Variants in KLHL22 observed in about 807,000 individuals in gnomAD.
KLHL22 encodes the protein kelch-like protein 22.
In KLHL22, 18 loss-of-function variants were observed where a neutral mutation model predicts 60.7. The ratio of observed to expected loss-of-function variants is 0.30; its 90% CI spans 0.20 to 0.44. The LOEUF is 0.44. Ranked by LOEUF, KLHL22 falls within the 20% of genes least tolerant of loss-of-function variation. The pLI, the probability that KLHL22 is intolerant of heterozygous loss-of-function variation, is 1.00. For missense variants in KLHL22, 596 were observed against 852.3 expected (o/e 0.70, Z 3.74); for synonymous variants, 355 against 354.5 (o/e 1.00, Z -0.01).
chr22:20,466,566 C>T (rs1316753737), intron 3 of KLHL22, among the ~76,000 whole-genome samples: 2 of 152,072 alleles, frequency 1.3e-5, no homozygotes, highest in African/African-American at 2.4e-5. Flanking sequence ...CTTTTTCCCC[C>T]GCCAGAACAT....
At position 20,465,957 on chromosome 22, in the gene KLHL22, A is replaced by G. The variant is rs530119524; in HGVS notation, c.394-381T>C. On this transcript the variant is annotated intron_variant, in intron 3 of 6. Coordinates refer to ENST00000328879, the MANE Select transcript of KLHL22 (RefSeq NM_032775.4). The surrounding 1 kb of genome is among the most constrained non-coding windows in gnomAD (Gnocchi z 4.9). ...CAGCCTCCCGTACAGAATGTTTTTA[A>G]CCTCTCTAAGCCTCAGTCTCCTCAT... Among the ~76,000 whole-genome samples, 4 of 152,014 alleles carry G rather than the reference A, an allele frequency of 2.6e-5. No homozygotes were observed. In the East Asian group the frequency reaches 7.8e-4, roughly 29 times the overall value.
At chr22:20,486,678 C>T (rs960154736) in intron 2 of KLHL22, among the ~76,000 whole-genome samples, 1 of 142,336 alleles carries the variant, frequency 7.0e-6, no homozygotes, top group Non-Finnish European at 1.5e-5. Context: ...TGGTCTATTT[C>T]TTTTCTTTTT....
chr22:20,460,525 C>T (rs1486038263), intron 4 of KLHL22, among the ~76,000 whole-genome samples: 1 of 141,388 alleles, frequency 7.1e-6, no homozygotes, highest in Non-Finnish European at 1.5e-5. Context: ...AGGAGAATCA[C>T]TTGAACCCGG....
rs373929310 is a variant in KLHL22, at chr22:20,471,634, C to G, written c.228-119G>C. The G allele has an allele frequency of 2.5e-4, 244 of 977,154 alleles. No homozygotes were observed. In the African/African-American group the frequency reaches 3.4e-3, roughly 14 times the overall value. 60.5% of individuals were successfully genotyped at this position (977,154 alleles called of 1,614,324 possible). ...CTGGTGGCAGGGCCCTGGTAGTGGGCTGACCCACTCTGTGCTCTGAGTGAA... is the reference window on the plus strand; with the variant it reads ...CTGGTGGCAGGGCCCTGGTAGTGGGGTGACCCACTCTGTGCTCTGAGTGAA... On this transcript the variant is annotated intron_variant, in intron 2 of 6. Transcript: ENST00000328879.
At chr22:20,470,604 G>C (rs1056663415) in intron 3 of KLHL22, among the ~76,000 whole-genome samples, 1 of 152,138 alleles carries the variant, frequency 6.6e-6, no homozygotes, top group Non-Finnish European at 1.5e-5. Context: ...AGCTGTGATC[G>C]TGCCACTGCA....
chr22:20,472,302 G>A (rs2053339423), intron 2 of KLHL22, among the ~76,000 whole-genome samples: 1 of 151,242 alleles, frequency 6.6e-6, no homozygotes, highest in South Asian at 2.1e-4. Context: ...AAGTAAACTG[G>A]TAAAATAGCT....
At chr22:20,447,182 C>T (rs539889393) in intron 5 of KLHL22, among the ~76,000 whole-genome samples, 1 of 152,306 alleles carries the variant, frequency 6.6e-6, no homozygotes, top group South Asian at 2.1e-4. Context: ...TGATTCTGGT[C>T]CTGAACCTTC....
In KLHL22 at chr22:20,468,442, A is replaced by G. The variant is rs146872185; in HGVS notation, c.394-2866T>C. On this transcript the variant is annotated intron_variant, in intron 3 of 6. Coordinates refer to ENST00000328879, the MANE Select transcript of KLHL22 (RefSeq NM_032775.4). ...ATACGAGGCTCACAGAAGGGACTGC[A>G]TTTGCTTGGGGTAACCCAATAGGAC... 8.8e-3 allele frequency among the ~76,000 whole-genome samples: 1,346 copies of G among 152,246 alleles called. 21 individuals are homozygous for G. Among genetic ancestry groups the G allele is most frequent in the African/African-American group, 0.03 (1,260 of 41,542 alleles).
intron 5 of KLHL22, chr22:20,451,713 C>T (rs1448821725): frequency 1.9e-6 from 3 of 1,578,022 alleles, no homozygotes; most frequent in African/African-American, 1.3e-5. Flanking sequence ...AAGGTAAGTC[C>T]CTGCTAAGTA....
intron 5 of KLHL22, among the ~76,000 whole-genome samples, chr22:20,452,448 A>C (rs2052995260): frequency 6.6e-6 from 1 of 152,204 alleles, no homozygotes; most frequent in Non-Finnish European, 1.5e-5. Context: ...TCAGTGAATT[A>C]AACTGAATTT....
intron 6 of KLHL22, among the ~76,000 whole-genome samples, chr22:20,445,724 G>A (rs1276926302): frequency 6.6e-6 from 1 of 152,048 alleles, no homozygotes; most frequent in East Asian, 1.9e-4. Context: ...TGGGACTACA[G>A]GTATGTGCTG....
At chr22:20,453,305 C>G (rs2053008740) in intron 5 of KLHL22, among the ~76,000 whole-genome samples, 1 of 151,448 alleles carries the variant, frequency 6.6e-6, no homozygotes, top group Admixed American at 6.6e-5. Context: ...CTCCATAAAC[C>G]ATTTTGAATT....
At chr22:20,450,918 G>C in intron 5 of KLHL22, 2 of 1,612,690 alleles carry the variant, frequency 1.2e-6, no homozygotes, top group South Asian at 1.1e-5. Flanking sequence ...TTCAGAGTCA[G>C]ATGCAGGGAC....
rs766432716 is a variant in KLHL22 at position 20,442,374 on chromosome 22, C to T, written c.1604G>A (p.Gly535Asp). 1 of 1,613,364 alleles carries T rather than the reference C, an allele frequency of 6.2e-7. No individual in the cohort carries two copies. Among genetic ancestry groups the T allele is most frequent in the African/African-American group, 1.3e-5 (1 of 74,918 alleles). ...GTCCAGCACAGCAATGCCAGGCTCA[C>T]CGTGCCCAGCAGGGAGTGGGCAGAC... ...SSVCPLPAGH[G>D]EPGIAVLDNR... The change falls in exon 7 of 7, where the codon GGT becomes GAT. Residue 535 changes from glycine (G) to aspartate (D), a missense_variant. By Grantham distance (94) the Gly-to-Asp change is moderately conservative. Transcript: ENST00000328879.
At chr22:20,471,322 C>G in intron 3 of KLHL22, 28 bp downstream of exon 3, 1 of 1,605,668 alleles carries the variant, frequency 6.2e-7, no homozygotes, top group South Asian at 1.1e-5. Flanking sequence ...GGGTGTGGGT[C>G]TGCCTTGCTA....
At chr22:20,474,096 T>A (rs2053370499) in intron 2 of KLHL22, among the ~76,000 whole-genome samples, 1 of 151,942 alleles carries the variant, frequency 6.6e-6, no homozygotes, top group Non-Finnish European at 1.5e-5. Flanking sequence ...GCCTCCTGAG[T>A]TCAACTGATT....
chr22:20,451,239 C>T, intron 5 of KLHL22: 1 of 1,602,942 alleles, frequency 6.2e-7, no homozygotes, highest in Non-Finnish European at 8.5e-7. Flanking sequence ...TTGCTGGAGC[C>T]ACCACCCTGG....
chr22:20,450,954 C>A, intron 5 of KLHL22: 1 of 1,607,336 alleles, frequency 6.2e-7, no homozygotes, highest in Non-Finnish European at 8.5e-7. Flanking sequence ...GCCTAGGAGC[C>A]AATGAAGTGC....
chr22:20,475,113 CCTTT>C (rs1165555149), intron 2 of KLHL22: 1 of 151,802 alleles, frequency 6.6e-6, no homozygotes, highest in Non-Finnish European at 1.5e-5. Flanking sequence ...AGAAATCTGC[CCTTT>C]CTTTGATGAG....
Sources: allele counts gnomAD v4.1 joint callset (sites outside exome capture counted in the v4.1 genomes callset), GRCh38; gene constraint gnomAD v4.1.1; non-coding constraint Gnocchi (gnomAD v3.1); transcripts MANE v1.5; gene names NCBI Gene and HGNC (gene_info 2026-07-23, HGNC 2026-07-21).